The following MAPK8 variants were observed in gnomAD, a reference collection of about 807,000 sequenced individuals.
The protein encoded by MAPK8 is mitogen-activated protein kinase 8.
In MAPK8, 13 loss-of-function variants were observed where a neutral mutation model predicts 52.9. The ratio of observed to expected loss-of-function variants is 0.25; its 90% CI spans 0.16 to 0.39. The LOEUF is 0.39. MAPK8 is among the 10% of genes least tolerant of loss of function. The probability of loss-of-function intolerance (pLI) is 1.00; values close to 1 mark genes in which losing one functional copy is unlikely to be tolerated. For missense variants in MAPK8, 300 were observed against 519.2 expected (o/e 0.58, Z 4.10); for synonymous variants, 191 against 169.8 (o/e 1.12, Z -0.97).
At chr10:48,427,201 G>A in intron 10 of MAPK8, 58 bp downstream of exon 10, 2 of 1,268,738 alleles carry the variant, frequency 1.6e-6, no homozygotes, top group South Asian at 2.5e-5. Context: ...TTTTTATATG[G>A]TGATTTATTA....
At chr10:48,414,803 T>C (rs1405813745) in intron 5 of MAPK8, among the ~76,000 whole-genome samples, 1 of 151,976 alleles carries the variant, frequency 6.6e-6, no homozygotes, top group Non-Finnish European at 1.5e-5. Flanking sequence ...GCTGGTCTTG[T>C]ATTCCTGGCT....
chr10:48,424,554 CA>C (rs2043556462), intron 7 of MAPK8: 1 of 1,601,650 alleles, frequency 6.2e-7, no homozygotes, highest in South Asian at 1.1e-5. Context: ...GAGAAATGAT[CA>C]AAGGTGGTGT....
At chr10:48,401,562 G>A (rs1221423791) in intron 1 of MAPK8, 50 bp from the exon 2 acceptor site, 2 of 1,334,150 alleles carry the variant, frequency 1.5e-6, no homozygotes, top group Admixed American at 3.8e-5. Context: ...CAAATTTTAA[G>A]ATTAAAACAA....
intron 10 of MAPK8, among the ~76,000 whole-genome samples, chr10:48,428,698 A>G (rs2043884722): frequency 6.6e-6 from 1 of 152,264 alleles, no homozygotes; most frequent in African/African-American, 2.4e-5. Flanking sequence ...TTGAATATGT[A>G]TAAAGATATA....
chr10:48,315,631 T>A (rs1842426554), intron 1 of MAPK8, among the ~76,000 whole-genome samples: 1 of 150,778 alleles, frequency 6.6e-6, no homozygotes, highest in South Asian at 2.1e-4. Context: ...AATGGCATCT[T>A]TTTTTCCACT....
rs1225578475 is a variant in MAPK8, at chr10:48,436,819, AC to A, written c.*1791del. ...TTTTATCAGTCCCTTTTCTAATACA[AC>A]AAGGTGCATTAATTTGATTAGGCAA... On this transcript the variant is annotated 3_prime_UTR_variant, in exon 12 of 12. Coordinates refer to ENST00000374189, the MANE Select transcript of MAPK8 (RefSeq NM_001323329.2). The A allele has an allele frequency of 6.6e-6, 1 of 152,218 alleles. No individual in the cohort carries two copies. Among genetic ancestry groups the A allele is most frequent in the Non-Finnish European group, 1.5e-5 (1 of 68,040 alleles). The allele number at this position is 152,218 out of a possible 1,614,324, so 9.4% of individuals were successfully genotyped here.
chr10:48,402,037 C>T (rs758874486), intron 2 of MAPK8, among the ~76,000 whole-genome samples: 3 of 152,082 alleles, frequency 2.0e-5, no homozygotes, highest in African/African-American at 4.8e-5. Context: ...GGAATATTTG[C>T]ATTGGTTGAG....
At chr10:48,309,277 C>A (rs1329315091) in intron 1 of MAPK8, among the ~76,000 whole-genome samples, 1 of 152,230 alleles carries the variant, frequency 6.6e-6, no homozygotes, top group Admixed American at 6.5e-5. Flanking sequence ...ATCACCATCA[C>A]TAATTCCAGA....
At chr10:48,313,416 G>A (rs1284084892) in intron 1 of MAPK8, among the ~76,000 whole-genome samples, 4 of 34 alleles carry the variant, frequency 0.12, no homozygotes, top group South Asian at 0.5. Flanking sequence ...CTGGGCGGCA[G>A]AGGTGTAGAC....
intron 1 of MAPK8, among the ~76,000 whole-genome samples, chr10:48,318,227 C>A (rs1168909392): frequency 1.3e-5 from 2 of 152,138 alleles, no homozygotes; most frequent in African/African-American, 4.8e-5. Flanking sequence ...GCTATTAAAG[C>A]CTTACCAAGT....
At chr10:48,423,952 C>T (rs957675835) in intron 6 of MAPK8, 136 bp from the exon 7 acceptor site, 15 of 511,364 alleles carry the variant, frequency 2.9e-5, no homozygotes, top group South Asian at 1.2e-4. Context: ...TAAATTATTC[C>T]GTTAGCTAAA....
At chr10:48,373,782 C>G (rs1355814050) in intron 1 of MAPK8, among the ~76,000 whole-genome samples, 1 of 151,704 alleles carries the variant, frequency 6.6e-6, no homozygotes, top group African/African-American at 2.4e-5. Context: ...GAGGCAGACT[C>G]CCACACAATA....
intron 1 of MAPK8, among the ~76,000 whole-genome samples, chr10:48,389,649 T>G (rs2041515995): frequency 6.6e-6 from 1 of 152,214 alleles, no homozygotes; most frequent in African/African-American, 2.4e-5. Flanking sequence ...TGTTCACTTG[T>G]TCATTGGTTC....
chr10:48,423,210 A>AT (rs1346440335), intron 6 of MAPK8, among the ~76,000 whole-genome samples: 1 of 152,204 alleles, frequency 6.6e-6, no homozygotes, highest in Non-Finnish European at 1.5e-5. Context: ...TGTCTAGCAG[A>AT]TTCTTGTCAA....
rs2045085672 is a variant in MAPK8, at chr10:48,439,018, TCCCTGGACTGTGACA to T, written c.*3990_*4004del. 6.6e-6 allele frequency: 1 copy of T among 152,146 alleles called. No individual in the cohort carries two copies. The highest frequency in any genetic ancestry group is 2.4e-5 in the African/African-American group (1 of 41,420). 9.4% of individuals were successfully genotyped at this position (152,146 alleles called of 1,614,324 possible). On this transcript the variant is annotated 3_prime_UTR_variant, in exon 12 of 12. Coordinates refer to ENST00000374189, the MANE Select transcript of MAPK8 (RefSeq NM_001323329.2). Reference sequence around the variant, plus strand: ...ATGAAGTTAGACTGAATTACGTGTCTCCCTGGACTGTGACATCTATTTTCTCATTACAGTTTATCC... The same window carrying T: ...ATGAAGTTAGACTGAATTACGTGTCTTCTATTTTCTCATTACAGTTTATCC...
intron 1 of MAPK8, among the ~76,000 whole-genome samples, chr10:48,317,951 C>T (rs1479822643): frequency 6.6e-6 from 1 of 151,524 alleles, no homozygotes; most frequent in Non-Finnish European, 1.5e-5. Flanking sequence ...CCCCCACCCC[C>T]CCAGCATTAT....
chr10:48,372,821 CAGG>C (rs1414655698), intron 1 of MAPK8, among the ~76,000 whole-genome samples: 2 of 152,074 alleles, frequency 1.3e-5, no homozygotes, highest in Non-Finnish European at 2.9e-5. Context: ...GGATATTATC[CAGG>C]AGAAGTTCCC....
intron 1 of MAPK8, among the ~76,000 whole-genome samples, chr10:48,375,805 C>T (rs1309712283): frequency 6.6e-6 from 1 of 152,136 alleles, no homozygotes; most frequent in Non-Finnish European, 1.5e-5. Context: ...TGAAAATGGC[C>T]ATACTGCCCA....
intron 1 of MAPK8, among the ~76,000 whole-genome samples, chr10:48,399,540 G>A (rs571659411): frequency 2.6e-5 from 4 of 152,080 alleles, no homozygotes; most frequent in Middle Eastern, 3.2e-3. Flanking sequence ...TCCTGTGGCC[G>A]GGCCACCCTG....
Sources: allele counts gnomAD v4.1 joint callset (sites outside exome capture counted in the v4.1 genomes callset), GRCh38; gene constraint gnomAD v4.1.1; transcripts MANE v1.5; gene names NCBI Gene and HGNC (gene_info 2026-07-23, HGNC 2026-07-21).